Variants in COL4A3 observed in about 807,000 individuals in gnomAD.
The protein encoded by COL4A3 is collagen type IV alpha 3 chain, also known as collagen alpha-3(IV) chain.
COL4A3 carries 135 observed loss-of-function variants against 217.4 expected under a neutral mutation model. The observed-to-expected ratio is 0.62, with a 90% CI of 0.54 to 0.72. COL4A3 has a LOEUF of 0.72. Ranked by LOEUF, COL4A3 falls within the 30% of genes least tolerant of loss-of-function variation. COL4A3 has a pLI of 0.00. For missense variants in COL4A3, 1,868 were observed against 2,119.9 expected (o/e 0.88, Z 2.33); for synonymous variants, 690 against 736.3 (o/e 0.94, Z 1.02).
intron 1 of COL4A3, among the ~76,000 whole-genome samples, chr2:227,224,254 C>T (rs1426822515): frequency 6.6e-6 from 1 of 152,062 alleles, no homozygotes; most frequent in East Asian, 1.9e-4. Flanking sequence ...CCACCATCAG[C>T]CAGTGGAAGC....
At chr2:227,219,198 T>C (rs1032410438) in intron 1 of COL4A3, among the ~76,000 whole-genome samples, 3 of 152,052 alleles carry the variant, frequency 2.0e-5, no homozygotes, top group African/African-American at 7.2e-5. Context: ...CGGAGGTTTC[T>C]CCATGTTGGT....
At chr2:227,237,614 T>G (rs970241457) in intron 1 of COL4A3, among the ~76,000 whole-genome samples, 5 of 152,186 alleles carry the variant, frequency 3.3e-5, no homozygotes, top group Non-Finnish European at 5.9e-5. Flanking sequence ...GATATTATCC[T>G]GAAAAAAAGG....
chr2:227,253,721 C>A lies in COL4A3; in HGVS notation c.765+83C>A. ...TGTGACCCTGCACCTCTTTTACAAG[C>A]TCTTGTTATCTAAGTCCAGCTCAGC... On this transcript the variant is annotated intron_variant, in intron 13 of 51. Transcript: ENST00000396578. The surrounding 1 kb of genome is among the most constrained non-coding windows in gnomAD (Gnocchi z 4.4). 2 of 1,179,044 alleles carry A rather than the reference C, an allele frequency of 1.7e-6. No individual in the cohort carries two copies. Among genetic ancestry groups the A allele is most frequent in the Non-Finnish European group, 2.6e-6 (2 of 783,568 alleles). 73.0% of individuals were successfully genotyped at this position (1,179,044 alleles called of 1,614,324 possible).
At chr2:227,269,822 C>A in intron 23 of COL4A3, 88 bp from the exon 24 acceptor site, 1 of 1,097,890 alleles carries the variant, frequency 9.1e-7, no homozygotes, top group Non-Finnish European at 1.4e-6. Context: ...CACAAGGAAA[C>A]ACTCTATTTT....
At chr2:227,193,176 T>G (rs1027545732) in intron 1 of COL4A3, among the ~76,000 whole-genome samples, 4 of 152,164 alleles carry the variant, frequency 2.6e-5, no homozygotes, top group African/African-American at 9.7e-5. Context: ...TCATAGAATA[T>G]TTATAAAAAT....
chr2:227,266,545 CT>C (rs773942312), intron 22 of COL4A3, 36 bp downstream of exon 22: 12 of 1,491,900 alleles, frequency 8.0e-6, no homozygotes, highest in Non-Finnish European at 1.1e-5. Context: ...TAGGATAAGC[CT>C]TTTTCATCGT....
At chr2:227,189,939 C>T (rs940993775) in intron 1 of COL4A3, among the ~76,000 whole-genome samples, 3 of 152,084 alleles carry the variant, frequency 2.0e-5, no homozygotes, top group Non-Finnish European at 2.9e-5. Context: ...AGTAATTCTT[C>T]CCCCCAAATC....
At chr2:227,199,913 A>T (rs2066619715) in intron 1 of COL4A3, among the ~76,000 whole-genome samples, 2 of 152,260 alleles carry the variant, frequency 1.3e-5, no homozygotes, top group Admixed American at 6.5e-5. Context: ...GCAAGAGCTT[A>T]TCTTTATATA....
intron 42 of COL4A3, 141 bp from the exon 43 acceptor site, chr2:227,298,541 A>G: frequency 1.6e-6 from 2 of 1,237,528 alleles, no homozygotes; most frequent in South Asian, 1.3e-5. Context: ...CTTTACCACA[A>G]TCCCATCACA....
At chr2:227,218,505 T>A (rs1412258840) in intron 1 of COL4A3, among the ~76,000 whole-genome samples, 1 of 152,072 alleles carries the variant, frequency 6.6e-6, no homozygotes, top group African/African-American at 2.4e-5. Flanking sequence ...AAATACTGCA[T>A]TTTTTATTAG....
intron 1 of COL4A3, among the ~76,000 whole-genome samples, chr2:227,184,191 A>C (rs1324739211): frequency 6.6e-6 from 1 of 152,176 alleles, no homozygotes; most frequent in Non-Finnish European, 1.5e-5. Context: ...TGAGGAGAGA[A>C]GTACCCTCAG....
At chr2:227,168,615 A>G (rs555263850) in intron 1 of COL4A3, among the ~76,000 whole-genome samples, 91 of 152,292 alleles carry the variant, frequency 6.0e-4, no homozygotes, top group African/African-American at 1.9e-3. Flanking sequence ...CTTAATGTAT[A>G]ATACTGTTTT....
chr2:227,255,877 T>C (rs1212445275), intron 15 of COL4A3, 149 bp from the exon 16 acceptor site: 6 of 754,976 alleles, frequency 7.9e-6, no homozygotes, highest in African/African-American at 5.3e-5. Flanking sequence ...TGGTTAATAG[T>C]TTTTCCTTCT....
intron 1 of COL4A3, among the ~76,000 whole-genome samples, chr2:227,168,575 A>G (rs536618107): frequency 1.3e-5 from 2 of 152,254 alleles, no homozygotes; most frequent in East Asian, 3.9e-4. Flanking sequence ...TTTTATTCCA[A>G]TCTTTGGTTT....
intron 18 of COL4A3, among the ~76,000 whole-genome samples, chr2:227,257,970 C>T (rs1210283463): frequency 6.6e-6 from 1 of 152,208 alleles, no homozygotes; most frequent in Admixed American, 6.5e-5. Flanking sequence ...AAGAAGTCAA[C>T]TTCTCCTCCC....
In COL4A3 at chr2:227,246,957, G is replaced by A. The variant is rs917741916; in HGVS notation, c.441+219G>A. The A allele has an allele frequency of 6.0e-6, 4 of 664,090 alleles. No homozygotes were observed. In the Admixed American group the frequency reaches 6.2e-5, roughly 10 times the overall value. 41.1% of individuals were successfully genotyped at this position (664,090 alleles called of 1,614,324 possible). ...TTTACTTTTGAGACATCCAAGTGGAGATGCATGAGAGGTACTTGGATTCAC... is the reference window on the plus strand; with the variant it reads ...TTTACTTTTGAGACATCCAAGTGGAAATGCATGAGAGGTACTTGGATTCAC... On this transcript the variant is annotated intron_variant, in intron 7 of 51. Coordinates refer to ENST00000396578, the MANE Select transcript of COL4A3 (RefSeq NM_000091.5).
chr2:227,305,828 G>A (rs2073477672), intron 47 of COL4A3, among the ~76,000 whole-genome samples: 1 of 152,160 alleles, frequency 6.6e-6, no homozygotes. Flanking sequence ...CACTCTTCTG[G>A]AAACTACCTC....
At chr2:227,211,585 C>T (rs953092574) in intron 1 of COL4A3, among the ~76,000 whole-genome samples, 3 of 152,158 alleles carry the variant, frequency 2.0e-5, no homozygotes, top group Non-Finnish European at 4.4e-5. Flanking sequence ...ACAATCTTAC[C>T]TGGAGGACAT....
chr2:227,272,931 A>G lies in COL4A3; in HGVS notation c.1759-18A>G. The G allele has an allele frequency of 1.2e-6, 2 of 1,613,438 alleles. No individual in the cohort carries two copies. Among genetic ancestry groups the G allele is most frequent in the Non-Finnish European group, 1.7e-6 (2 of 1,179,456 alleles). On this transcript the variant is annotated intron_variant, in intron 25 of 51. Coordinates refer to ENST00000396578, the MANE Select transcript of COL4A3 (RefSeq NM_000091.5). ...TACTGGAATGAAGCACGATTCAAAC[A>G]CATTCCTGTTGTCACAGGCTCTGAG...
Sources: allele counts gnomAD v4.1 joint callset (sites outside exome capture counted in the v4.1 genomes callset), GRCh38; gene constraint gnomAD v4.1.1; non-coding constraint Gnocchi (gnomAD v3.1); transcripts MANE v1.5; gene names NCBI Gene and HGNC (gene_info 2026-07-23, HGNC 2026-07-21).